CCDC73: variants seen among roughly 807,000 people sequenced by gnomAD.
CCDC73 encodes coiled-coil domain containing 73.
Under a neutral mutation model 116.5 loss-of-function variants are expected in CCDC73, and 95 were observed. That is an observed-to-expected ratio of 0.82 (90% confidence interval 0.69 to 0.97). CCDC73 has a LOEUF of 0.97. Ranked by LOEUF, CCDC73 falls within the 50% of genes least tolerant of loss-of-function variation. The pLI is 0.00. For synonymous variants in CCDC73, 398 were observed against 401.3 expected, an observed-to-expected ratio of 0.99 and a Z score of 0.10; for missense variants, 1,066 against 1,206.8, an observed-to-expected ratio of 0.88 and a Z score of 1.73.
intron 9 of CCDC73, among the ~76,000 whole-genome samples, chr11:32,672,927 T>C (rs1029755564): frequency 6.6e-6 from 1 of 152,196 alleles, no homozygotes; most frequent in Non-Finnish European, 1.5e-5. Flanking sequence ...CCAAGGAATA[T>C]ATAACCAATT....
the CCDC73 span, chr11:32,830,025 C>T: frequency 4.1e-6 from 4 of 985,836 alleles, no homozygotes; most frequent in African/African-American, 7.0e-5. Context: ...GGTTTGCGCG[C>T]GGGGGCCATC....
intron 12 of CCDC73, among the ~76,000 whole-genome samples, chr11:32,643,370 G>A (rs1855749768): frequency 6.6e-6 from 1 of 152,030 alleles, no homozygotes; most frequent in African/African-American, 2.4e-5. Flanking sequence ...GGTATATACA[G>A]TCATGTGTTG....
chr11:32,623,362 G>A (rs1855540195), intron 14 of CCDC73, among the ~76,000 whole-genome samples: 1 of 151,772 alleles, frequency 6.6e-6, no homozygotes, highest in Non-Finnish European at 1.5e-5. Context: ...GTTTTTGTTT[G>A]TTTATTTGTT....
At chr11:32,695,774 T>TA (rs59419534) in intron 6 of CCDC73, among the ~76,000 whole-genome samples, 9,201 of 129,450 alleles carry the variant, frequency 0.071, 464 homozygotes, top group African/African-American at 0.14. Context: ...AGTTTGGTTG[T>TA]AAAAAAAAAA....
intron 12 of CCDC73, among the ~76,000 whole-genome samples, chr11:32,652,585 C>T (rs115596534): frequency 1.9e-3 from 284 of 152,266 alleles, no homozygotes; most frequent in African/African-American, 6.6e-3. Flanking sequence ...GAGAAAAAGC[C>T]TCTTTTTTGA....
At position 32,607,766 on chromosome 11, in the gene CCDC73, T is replaced by C. The variant is rs577784398; in HGVS notation, c.3030+3366A>G. Among the ~76,000 whole-genome samples the C allele has an allele frequency of 3.9e-5, 6 of 152,090 alleles. No homozygotes were observed. In the South Asian group the frequency reaches 1.3e-3, roughly 32 times the overall value. On this transcript the variant is annotated intron_variant, in intron 17 of 17. Transcript: ENST00000335185. ...CTCAATTAGGAAAGAGTGAAAAGGGTGTATTAGTCCGTTCTCACGCCGCTA... is the reference window on the plus strand; with the variant it reads ...CTCAATTAGGAAAGAGTGAAAAGGGCGTATTAGTCCGTTCTCACGCCGCTA...
At chr11:32,804,577 G>A in the CCDC73 span, among the ~76,000 whole-genome samples, 2 of 152,194 alleles carry the variant, frequency 1.3e-5, no homozygotes, top group South Asian at 2.1e-4. Flanking sequence ...TTTGCCTATG[G>A]TTTCAAATAC....
intron 3 of CCDC73, among the ~76,000 whole-genome samples, chr11:32,711,468 G>C (rs928664453): frequency 6.6e-6 from 1 of 152,094 alleles, no homozygotes; most frequent in Non-Finnish European, 1.5e-5. Flanking sequence ...CCATAAAAAG[G>C]AATGCAATAA....
At chr11:32,653,012 A>C in intron 12 of CCDC73, 111 bp downstream of exon 12, 1 of 603,036 alleles carries the variant, frequency 1.7e-6, no homozygotes, top group Non-Finnish European at 2.8e-6. Flanking sequence ...CCTAGAATTC[A>C]AAATAATCTC....
At chr11:32,672,234 T>C (rs932315757) in intron 9 of CCDC73, among the ~76,000 whole-genome samples, 5 of 151,976 alleles carry the variant, frequency 3.3e-5, no homozygotes, top group Admixed American at 1.3e-4. Context: ...CCCAGCTACT[T>C]GGGAGGCTGA....
At chr11:32,826,471 A>G in the CCDC73 span, among the ~76,000 whole-genome samples, 1 of 152,128 alleles carries the variant, frequency 6.6e-6, no homozygotes. Flanking sequence ...CAGTAAAGTG[A>G]GTTTTCATTT....
chr11:32,616,259 A>AT (rs1170724247), intron 14 of CCDC73, 130 bp from the exon 15 acceptor site: 1 of 922,200 alleles, frequency 1.1e-6, no homozygotes, highest in African/African-American at 1.7e-5. Flanking sequence ...AAGTCAAATG[A>AT]TTTTTTAGTA....
At chr11:32,729,016 T>C (rs1236497136) in intron 2 of CCDC73, among the ~76,000 whole-genome samples, 1 of 152,116 alleles carries the variant, frequency 6.6e-6, no homozygotes, top group Non-Finnish European at 1.5e-5. Flanking sequence ...AATTCTTTTT[T>C]TTTTTTTCAA....
intron 2 of CCDC73, among the ~76,000 whole-genome samples, chr11:32,727,651 C>A (rs1431537755): frequency 6.6e-6 from 1 of 152,130 alleles, no homozygotes; most frequent in African/African-American, 2.4e-5. Flanking sequence ...CGGCTCACTG[C>A]AACCTCTGCC....
At chr11:32,752,447 G>A (rs577090882) in intron 2 of CCDC73, among the ~76,000 whole-genome samples, 3 of 152,124 alleles carry the variant, frequency 2.0e-5, no homozygotes, top group South Asian at 4.2e-4. Context: ...CTTAATGATC[G>A]TGAAATTTTA....
chr11:32,715,248 G>A (rs1849934120), intron 3 of CCDC73, among the ~76,000 whole-genome samples: 1 of 152,054 alleles, frequency 6.6e-6, no homozygotes, highest in Non-Finnish European at 1.5e-5. Flanking sequence ...ACTCTATGGT[G>A]TGAGTCCAAT....
At chr11:32,737,047 T>TG (rs1850137876) in intron 2 of CCDC73, among the ~76,000 whole-genome samples, 7 of 151,496 alleles carry the variant, frequency 4.6e-5, no homozygotes, top group African/African-American at 1.7e-4. Context: ...TCAGCCTCCC[T>TG]AGTAGCTGCA....
At chr11:32,607,105 T>C (rs1653773981) in intron 17 of CCDC73, among the ~76,000 whole-genome samples, 1 of 72,138 alleles carries the variant, frequency 1.4e-5, no homozygotes, top group African/African-American at 6.6e-5. Context: ...TTTTTTTTTT[T>C]TTTTTGAGAC....
intron 14 of CCDC73, among the ~76,000 whole-genome samples, chr11:32,621,632 A>G (rs1184005615): frequency 6.6e-6 from 1 of 152,210 alleles, no homozygotes; most frequent in Non-Finnish European, 1.5e-5. Flanking sequence ...TTATGATGAA[A>G]TCACCAAAAG....
Sources: allele counts gnomAD v4.1 joint callset (sites outside exome capture counted in the v4.1 genomes callset), GRCh38; gene constraint gnomAD v4.1.1; transcripts MANE v1.5; gene names NCBI Gene and HGNC (gene_info 2026-07-23, HGNC 2026-07-21).